Variants in AGTPBP1 observed in about 807,000 individuals in gnomAD.
The protein encoded by AGTPBP1 is cytosolic carboxypeptidase 1.
A neutral mutation model predicts 143.9 loss-of-function variants in AGTPBP1; 70 were observed. That is an observed-to-expected ratio of 0.49 (90% CI 0.40 to 0.59). AGTPBP1 has a LOEUF of 0.59. Among genes scored for constraint, AGTPBP1 ranks in the 20% least tolerant of loss-of-function variants. The pLI is 0.00. For synonymous variants in AGTPBP1, 463 were observed against 500.2 expected (o/e 0.93, Z 0.99); for missense variants, 1,229 against 1,464.5 (o/e 0.84, Z 2.62).
chr9:85,569,078 A>G (rs975966233), intron 25 of AGTPBP1, among the ~76,000 whole-genome samples: 2 of 152,220 alleles, frequency 1.3e-5, no homozygotes, highest in African/African-American at 4.8e-5. Flanking sequence ...AAGCAAAAGA[A>G]GATGAAGGAA....
chr9:85,670,768 T>C (rs527899385), intron 7 of AGTPBP1, among the ~76,000 whole-genome samples: 1 of 152,322 alleles, frequency 6.6e-6, no homozygotes, highest in South Asian at 2.1e-4. Context: ...TATTGGTTAA[T>C]CCAATAAAAT....
intron 12 of AGTPBP1, among the ~76,000 whole-genome samples, chr9:85,644,222 T>C (rs1462489299): frequency 3.9e-5 from 6 of 151,948 alleles, no homozygotes; most frequent in African/African-American, 7.2e-5. Context: ...CATTATTGTA[T>C]ACTTATTATT....
intron 14 of AGTPBP1, among the ~76,000 whole-genome samples, chr9:85,629,469 G>C (rs551383239): frequency 3.6e-4 from 55 of 152,272 alleles, no homozygotes; most frequent in Non-Finnish European, 1.8e-4. Flanking sequence ...GGGAGAGAGA[G>C]GGAGTGAAGC....
At chr9:85,725,037 A>G (rs1465446799) in intron 1 of AGTPBP1, among the ~76,000 whole-genome samples, 1 of 152,220 alleles carries the variant, frequency 6.6e-6, no homozygotes, top group African/African-American at 2.4e-5. Context: ...TTTAAAAACC[A>G]AAAAGCATTT....
At chr9:85,790,157 A>C in the AGTPBP1 span, among the ~76,000 whole-genome samples, 7 of 152,208 alleles carry the variant, frequency 4.6e-5, no homozygotes. Flanking sequence ...TATATTTTCA[A>C]AAACTGAAAA....
In AGTPBP1 at chr9:85,618,976, G is replaced by A; in HGVS notation, c.2335+7C>T. On this transcript the variant is annotated splice_region_variant and intron_variant, in intron 17 of 25. Transcript: ENST00000357081. ...GCCATTTCAATTGGGAAAGAAAACTGTCTTACCATAATTAAACTGACTGTT... is the reference window on the plus strand; with the variant it reads ...GCCATTTCAATTGGGAAAGAAAACTATCTTACCATAATTAAACTGACTGTT... The A allele has an allele frequency of 6.2e-7, 1 of 1,607,910 alleles. No individual in the cohort carries two copies. Among genetic ancestry groups the A allele is most frequent in the South Asian group, 1.1e-5 (1 of 89,530 alleles).
intron 4 of AGTPBP1, among the ~76,000 whole-genome samples, chr9:85,679,886 T>A (rs1237202841): frequency 6.6e-6 from 1 of 152,212 alleles, no homozygotes; most frequent in Non-Finnish European, 1.5e-5. Flanking sequence ...TGTTGTAAGA[T>A]TATTTTAAAA....
intron 7 of AGTPBP1, 88 bp from the exon 8 acceptor site, chr9:85,669,666 T>G: frequency 1.3e-6 from 1 of 762,182 alleles, no homozygotes; most frequent in African/African-American, 1.7e-5. Context: ...CAAAAACATA[T>G]ACAAATTGTT....
chr9:85,578,302 G>C (rs964783580), intron 24 of AGTPBP1, among the ~76,000 whole-genome samples: 2 of 152,152 alleles, frequency 1.3e-5, no homozygotes, highest in Non-Finnish European at 2.9e-5. Context: ...TTTACTAACA[G>C]GATATGTATT....
chr9:85,557,420 C>T (rs985343139), intron 25 of AGTPBP1, among the ~76,000 whole-genome samples: 1 of 152,118 alleles, frequency 6.6e-6, no homozygotes, highest in African/African-American at 2.4e-5. Flanking sequence ...TAAGCAACTA[C>T]GATTTCCAAA....
At chr9:85,603,869 T>A (rs1280310913) in intron 17 of AGTPBP1, among the ~76,000 whole-genome samples, 2 of 150,210 alleles carry the variant, frequency 1.3e-5, no homozygotes, top group East Asian at 4.0e-4. Context: ...AGGCCTGGGA[T>A]GGTGATGGAT....
chr9:85,712,357 A>T, intron 2 of AGTPBP1, 145 bp downstream of exon 2: 1 of 429,100 alleles, frequency 2.3e-6, no homozygotes, highest in Non-Finnish European at 4.0e-6. Context: ...CTGAAAAGTT[A>T]AACATTAATA....
At chr9:85,613,512 T>A (rs62566927) in intron 17 of AGTPBP1, among the ~76,000 whole-genome samples, 3 of 151,906 alleles carry the variant, frequency 2.0e-5, no homozygotes, top group Non-Finnish European at 2.9e-5. Context: ...AATCTAAATG[T>A]CACTGACATA....
In AGTPBP1 at chr9:85,642,927, G is replaced by T; in HGVS notation, c.1202C>A (p.Thr401Lys). ...DQNFKNDDIE[T>K]DINKLKPQQE... ...CTGGGGTTTTAGTTTGTTAATATCT[G>T]TTTCAATATCATCATTCTGAAATGA... The change falls in exon 13 of 26, where the codon ACA becomes AAA. Residue 401 changes from threonine to lysine, a missense_variant. Around this residue, in one of 2 missense-constraint regions of AGTPBP1, gnomAD observed 743 missense variants for 812.2 expected, o/e 0.91. Coordinates refer to ENST00000357081, the MANE Select transcript of AGTPBP1 (RefSeq NM_001330701.2). The T allele has an allele frequency of 6.2e-7, 1 of 1,611,410 alleles. No individual in the cohort carries two copies. The highest frequency in any genetic ancestry group is 8.5e-7 in the Non-Finnish European group (1 of 1,178,498).
At chr9:85,698,798 T>G (rs1836453582) in intron 2 of AGTPBP1, among the ~76,000 whole-genome samples, 2 of 144,392 alleles carry the variant, frequency 1.4e-5, no homozygotes, top group South Asian at 4.8e-4. Context: ...GTTCACGCCA[T>G]TCTCCTGCCT....
At chr9:85,551,053 G>A (rs563065384) in intron 25 of AGTPBP1, among the ~76,000 whole-genome samples, 1 of 151,618 alleles carries the variant, frequency 6.6e-6, no homozygotes, top group Non-Finnish European at 1.5e-5. Flanking sequence ...AAAGAGTGTG[G>A]CACTTCCCCC....
chr9:85,619,604 G>A (rs1393441252), intron 15 of AGTPBP1, among the ~76,000 whole-genome samples: 1 of 152,080 alleles, frequency 6.6e-6, no homozygotes, highest in Admixed American at 6.6e-5. Flanking sequence ...TTTTTAAAAC[G>A]GCTATGACCT....
At chr9:85,707,462 C>G (rs1224441410) in intron 2 of AGTPBP1, among the ~76,000 whole-genome samples, 1 of 151,848 alleles carries the variant, frequency 6.6e-6, no homozygotes, top group Non-Finnish European at 1.5e-5. Context: ...TTGAGGATAT[C>G]AGTAGAACTG....
At chr9:85,619,824 C>T (rs1181136961) in intron 15 of AGTPBP1, among the ~76,000 whole-genome samples, 1 of 152,040 alleles carries the variant, frequency 6.6e-6, no homozygotes, top group Non-Finnish European at 1.5e-5. Context: ...CTTGGTTCCC[C>T]GACTGAATGC....
Sources: gnomAD v4.1 joint callset for allele counts (sites outside exome capture counted in the v4.1 genomes callset) on GRCh38, gnomAD v4.1.1 for gene constraint, gnomAD v4.1.1 regional missense constraint, MANE v1.5 for transcripts, NCBI Gene and HGNC (gene_info 2026-07-23, HGNC 2026-07-21) for gene names.